C3orf70: variants seen among roughly 807,000 people sequenced by gnomAD.
C3orf70 encodes the protein UPF0524 protein C3orf70.
In C3orf70, 15 loss-of-function variants were observed where a neutral mutation model predicts 20.7. The observed-to-expected ratio is 0.72, with a 90% CI of 0.48 to 1.11. The LOEUF (loss-of-function observed/expected upper bound fraction) is 1.11, where lower values mean the gene tolerates loss of function less well. C3orf70 is among the 50% of genes most tolerant of loss of function. The pLI, the probability that C3orf70 is intolerant of heterozygous loss-of-function variation, is 0.00. For synonymous variants in C3orf70, 161 were observed against 125.7 expected, an observed-to-expected ratio of 1.28 and a Z score of -1.88; for missense variants, 332 against 317.6, an observed-to-expected ratio of 1.05 and a Z score of -0.34.
At chr3:185,144,072 C>G (rs1716809151) in intron 1 of C3orf70, among the ~76,000 whole-genome samples, 1 of 151,458 alleles carries the variant, frequency 6.6e-6, no homozygotes, top group African/African-American at 2.4e-5. Context: ...AAAAAAAATC[C>G]AAGTGTAATA....
chr3:185,105,354 G>GGCCAGGTGTTCCTT (rs1315332120), intron 1 of C3orf70, among the ~76,000 whole-genome samples: 1 of 152,230 alleles, frequency 6.6e-6, no homozygotes, highest in Non-Finnish European at 1.5e-5. Flanking sequence ...AGGAACACCT[G>GGCCAGGTGTTCCTT]GCCCACTCAG....
rs1715205250 is a variant in C3orf70 at position 185,076,965 on chromosome 3, ACAC to A, written c.*6039_*6041del. 6.6e-6 allele frequency among the ~76,000 whole-genome samples: 1 copy of A among 152,250 alleles called. No individual in the cohort carries two copies. The highest frequency in any genetic ancestry group is 1.5e-5 in the Non-Finnish European group (1 of 68,052). ...GTAGAGAGTTAAAACAGTAGAGTGC[ACAC>A]GCAGATGAGATGCGCTGTCTGCAGG... On this transcript the variant is annotated 3_prime_UTR_variant, in exon 2 of 2. Transcript: ENST00000335012.
intron 1 of C3orf70, among the ~76,000 whole-genome samples, chr3:185,089,762 C>CAACT (rs1303547830): frequency 6.6e-6 from 1 of 152,110 alleles, no homozygotes; most frequent in African/African-American, 2.4e-5. Flanking sequence ...ACACAAAAAC[C>CAACT]AACTGTGACC....
chr3:185,125,189 G>C (rs1373585289), intron 1 of C3orf70, among the ~76,000 whole-genome samples: 1 of 152,086 alleles, frequency 6.6e-6, no homozygotes, highest in Non-Finnish European at 1.5e-5. Flanking sequence ...AGACCAGCTT[G>C]ACCAACATGG....
intron 1 of C3orf70, among the ~76,000 whole-genome samples, chr3:185,090,737 A>T (rs964113051): frequency 6.6e-6 from 1 of 152,186 alleles, no homozygotes; most frequent in Admixed American, 6.5e-5. Context: ...ACCAAAAGCA[A>T]ATGAACTTAG....
intron 1 of C3orf70, among the ~76,000 whole-genome samples, chr3:185,136,390 C>G (rs936102626): frequency 6.6e-6 from 1 of 151,872 alleles, no homozygotes; most frequent in African/African-American, 2.4e-5. Flanking sequence ...GAGTTGGAGA[C>G]CAGCCTGGCC....
chr3:185,107,195 A>AT (rs1257385891), intron 1 of C3orf70, among the ~76,000 whole-genome samples: 1 of 152,184 alleles, frequency 6.6e-6, no homozygotes, highest in African/African-American at 2.4e-5. Context: ...AACCTACTCA[A>AT]TTTAACATAG....
rs57986914 is a variant in C3orf70 at position 185,152,957 on chromosome 3, C to CGGA, written c.-135_-134insTCC. ...GAGTCACGCCAGCACGCGGCGGCGG[C>CGGA]GGGAGCGCGGCGGTCCCAGGCTCGA... On this transcript the variant is annotated 5_prime_UTR_variant, in exon 1 of 2. Coordinates refer to ENST00000335012, the MANE Select transcript of C3orf70 (RefSeq NM_001025266.3). 62,545 of 758,424 alleles carry CGGA rather than the reference C, an allele frequency of 0.082. 2,953 individuals carry two copies. Among genetic ancestry groups the CGGA allele is most frequent in the South Asian group, 0.11 (1,982 of 18,338 alleles). 47.0% of individuals were successfully genotyped at this position (758,424 alleles called of 1,614,324 possible).
At chr3:185,125,429 CAAA>C (rs869053870) in intron 1 of C3orf70, among the ~76,000 whole-genome samples, 3 of 136,160 alleles carry the variant, frequency 2.2e-5, no homozygotes, top group East Asian at 2.1e-4. Flanking sequence ...ACAACAACAA[CAAA>C]AACCAGTTTG....
chr3:185,096,550 G>A (rs1715712917), intron 1 of C3orf70, among the ~76,000 whole-genome samples: 1 of 152,144 alleles, frequency 6.6e-6, no homozygotes, highest in African/African-American at 2.4e-5. Flanking sequence ...CTGCCGTAAT[G>A]GACAGAATTG....
chr3:185,143,632 A>G (rs1240338621), intron 1 of C3orf70, among the ~76,000 whole-genome samples: 1 of 152,210 alleles, frequency 6.6e-6, no homozygotes, highest in Non-Finnish European at 1.5e-5. Context: ...CAAAGGAAAA[A>G]TCCTGTGAAT....
chr3:185,110,710 C>T (rs750043811), intron 1 of C3orf70, among the ~76,000 whole-genome samples: 9 of 152,348 alleles, frequency 5.9e-5, no homozygotes, highest in South Asian at 2.1e-4. Context: ...GGCGGAAAAC[C>T]GCTTAAAGCC....
chr3:185,091,284 G>GT (rs2108588436), intron 1 of C3orf70, among the ~76,000 whole-genome samples: 2 of 151,960 alleles, frequency 1.3e-5, no homozygotes, highest in South Asian at 4.2e-4. Context: ...TGGCTCCAAT[G>GT]TATCAGCTCT....
chr3:185,109,638 C>T (rs1410832349), intron 1 of C3orf70, among the ~76,000 whole-genome samples: 1 of 152,204 alleles, frequency 6.6e-6, no homozygotes, highest in Non-Finnish European at 1.5e-5. Flanking sequence ...TAGTGGTTAT[C>T]ACCACTGCCG....
chr3:185,118,644 T>C (rs1476966873), intron 1 of C3orf70, among the ~76,000 whole-genome samples: 1 of 152,120 alleles, frequency 6.6e-6, no homozygotes, highest in African/African-American at 2.4e-5. Context: ...TACACTAAAA[T>C]TTTTTCAGAA....
chr3:185,125,558 A>G (rs1716394061), intron 1 of C3orf70, among the ~76,000 whole-genome samples: 1 of 152,244 alleles, frequency 6.6e-6, no homozygotes, highest in Non-Finnish European at 1.5e-5. Flanking sequence ...GCAAATATTT[A>G]TAGCAGCCTT....
chr3:185,121,024 T>C (rs1006931648), intron 1 of C3orf70, among the ~76,000 whole-genome samples: 9 of 152,202 alleles, frequency 5.9e-5, no homozygotes, highest in Non-Finnish European at 1.2e-4. Flanking sequence ...GTGGTATATA[T>C]GTATACGATG....
chr3:185,107,440 A>G (rs888521743), intron 1 of C3orf70, among the ~76,000 whole-genome samples: 1 of 152,204 alleles, frequency 6.6e-6, no homozygotes, highest in Admixed American at 6.5e-5. Context: ...ATGGGACTAG[A>G]AAAAAATTTG....
intron 1 of C3orf70, among the ~76,000 whole-genome samples, chr3:185,106,820 A>G (rs548062241): frequency 3.7e-4 from 56 of 152,386 alleles, no homozygotes; most frequent in African/African-American, 1.3e-3. Flanking sequence ...GATTACTTTT[A>G]GGAAGGTCTA....
Sources: allele counts gnomAD v4.1 joint callset (sites outside exome capture counted in the v4.1 genomes callset), GRCh38; gene constraint gnomAD v4.1.1; transcripts MANE v1.5; gene names NCBI Gene and HGNC (gene_info 2026-07-23, HGNC 2026-07-21).